The following EPM2A variants were observed in gnomAD, a reference collection of about 807,000 sequenced individuals.
EPM2A encodes laforin.
EPM2A carries 21 observed loss-of-function variants against 26.5 expected under a neutral mutation model. The observed-to-expected ratio is 0.79, with a 90% CI of 0.56 to 1.14. The LOEUF (loss-of-function observed/expected upper bound fraction) is 1.14. Among genes scored for constraint, EPM2A ranks in the 50% most tolerant of loss-of-function variants. EPM2A has a pLI of 0.00. For missense variants in EPM2A, 458 were observed against 440.8 expected (o/e 1.04, Z -0.35); for synonymous variants, 217 against 177.6 (o/e 1.22, Z -1.76).
Position 145,593,498 on chromosome 6 carries a change from A to G in EPM2A, c.340+41747T>C, listed in dbSNP as rs9390340. On this transcript the variant is annotated intron_variant, in intron 2 of 3. Coordinates refer to the EPM2A transcript ENST00000450221. ...TATACAAATTCTTCTCATATTACAT[A>G]AAACATTCACCATGACAGATCATGT... 2.0e-5 allele frequency among the ~76,000 whole-genome samples: 3 copies of G among 152,234 alleles called. No homozygotes were observed. The East Asian group carries it at 5.8e-4, about 29-fold the overall frequency.
chr6:145,444,036 G>A (rs769961687), intron 4 of EPM2A, among the ~76,000 whole-genome samples: 106 of 152,200 alleles, frequency 7.0e-4, no homozygotes, highest in Non-Finnish European at 6.5e-4. Context: ...TATCAGCAGC[G>A]TAAAAATGGA....
chr6:145,594,138 T>C (rs1781309637), intron 2 of EPM2A, among the ~76,000 whole-genome samples: 1 of 151,910 alleles, frequency 6.6e-6, no homozygotes, highest in Non-Finnish European at 1.5e-5. Context: ...AAAACAACTC[T>C]AGGCCCACAG....
At chr6:145,465,199 T>A (rs927172652) in intron 4 of EPM2A, among the ~76,000 whole-genome samples, 4 of 152,024 alleles carry the variant, frequency 2.6e-5, no homozygotes, top group African/African-American at 9.7e-5. Flanking sequence ...TCTCTAAACT[T>A]CCCTTCTCGC....
chr6:145,541,328 G>GTA lies in EPM2A; in HGVS notation c.341-38755_341-38754dup, dbSNP rs1377962473. 6.8e-5 allele frequency among the ~76,000 whole-genome samples: 9 copies of GTA among 132,104 alleles called. No homozygotes were observed. The South Asian group carries it at 1.4e-3, about 21-fold the overall frequency. The allele number at this position is 132,104 out of a possible 152,430, so 86.7% of individuals were successfully genotyped here. A position where few individuals can be genotyped will look rare whatever the true frequency, so the allele number is the denominator to read the frequency against. ...TGTGTGTGTATATACATATATATGT[G>GTA]TATATATATGTGTGTGTGTATATAT... On this transcript the variant is annotated intron_variant, in intron 2 of 3. Transcript: ENST00000450221.
At chr6:145,434,250 T>C (rs768424986) in intron 4 of EPM2A, among the ~76,000 whole-genome samples, 4 of 151,804 alleles carry the variant, frequency 2.6e-5, no homozygotes, top group Non-Finnish European at 4.4e-5. Flanking sequence ...CTTCTCTTTT[T>C]TTTATCTCTC....
At chr6:145,562,330 C>T (rs1780818495) in intron 2 of EPM2A, among the ~76,000 whole-genome samples, 2 of 150,922 alleles carry the variant, frequency 1.3e-5, no homozygotes, top group Admixed American at 1.3e-4. Flanking sequence ...TTTTATTTAC[C>T]TATAAAAGAT....
At chr6:145,622,936 TA>T (rs1483901887), downstream of EPM2A, among the ~76,000 whole-genome samples, 1 of 152,246 alleles carries the variant, frequency 6.6e-6, no homozygotes, top group Non-Finnish European at 1.5e-5. Flanking sequence ...AAACTATCTT[TA>T]CTTGCCTCAG....
intron 4 of EPM2A, among the ~76,000 whole-genome samples, chr6:145,468,109 T>A (rs1779423901): frequency 6.6e-6 from 1 of 152,076 alleles, no homozygotes; most frequent in South Asian, 2.1e-4. Context: ...CTTTATGAAA[T>A]TTTGAATAGG....
intron 4 of EPM2A, among the ~76,000 whole-genome samples, chr6:145,396,278 C>A (rs1778404312): frequency 6.6e-6 from 1 of 152,154 alleles, no homozygotes; most frequent in Non-Finnish European, 1.5e-5. Context: ...TCCTTCTTCC[C>A]GGGCTCCTTC....
chr6:145,495,712 G>A (rs945030762), intron 4 of EPM2A, among the ~76,000 whole-genome samples: 14 of 152,108 alleles, frequency 9.2e-5, no homozygotes, highest in Non-Finnish European at 1.6e-4. Context: ...CAAGTAGCTG[G>A]GATACAGGCA....
At chr6:145,515,601 A>G (rs1780114889) in intron 2 of EPM2A, among the ~76,000 whole-genome samples, 1 of 152,148 alleles carries the variant, frequency 6.6e-6, no homozygotes, top group Admixed American at 6.5e-5. Flanking sequence ...CAGGTTTTAT[A>G]AGGGCACTAA....
At chr6:145,688,412 T>G (rs992695959) in intron 1 of EPM2A, among the ~76,000 whole-genome samples, 1 of 152,188 alleles carries the variant, frequency 6.6e-6, no homozygotes, top group Non-Finnish European at 1.5e-5. Context: ...CCTCTTAAGC[T>G]TCTAGTGAAA....
At chr6:145,517,116 C>A (rs1379969527) in intron 2 of EPM2A, among the ~76,000 whole-genome samples, 2 of 152,080 alleles carry the variant, frequency 1.3e-5, no homozygotes, top group African/African-American at 4.8e-5. Context: ...AACTACTATA[C>A]AATACCACTC....
chr6:145,653,148 A>G (rs1322162853), intron 2 of EPM2A, among the ~76,000 whole-genome samples: 1 of 152,172 alleles, frequency 6.6e-6, no homozygotes, highest in Non-Finnish European at 1.5e-5. Flanking sequence ...TCCCCACTCA[A>G]ATCTCATCTT....
At chr6:145,731,904 T>C (rs995675381) in intron 1 of EPM2A, among the ~76,000 whole-genome samples, 3 of 152,116 alleles carry the variant, frequency 2.0e-5, no homozygotes, top group African/African-American at 7.2e-5. Context: ...CACATTAGAA[T>C]TATCAGCCAC....
intron 2 of EPM2A, among the ~76,000 whole-genome samples, chr6:145,668,075 T>G (rs2128595949): frequency 2.7e-5 from 4 of 146,330 alleles, no homozygotes; most frequent in South Asian, 4.6e-4. Flanking sequence ...GATGACGAGT[T>G]AGTGGGTGCA....
chr6:145,410,065 T>TAATA (rs1210683049), intron 4 of EPM2A, among the ~76,000 whole-genome samples: 2 of 152,192 alleles, frequency 1.3e-5, no homozygotes, highest in Non-Finnish European at 2.9e-5. Context: ...AGGGTATAGA[T>TAATA]GTCGGGAGCC....
At chr6:145,502,331 G>T (rs898507190) in intron 3 of EPM2A, among the ~76,000 whole-genome samples, 1 of 152,214 alleles carries the variant, frequency 6.6e-6, no homozygotes, top group African/African-American at 2.4e-5. Flanking sequence ...CTGCCACACA[G>T]CTCTGGCCAA....
intron 2 of EPM2A, among the ~76,000 whole-genome samples, chr6:145,534,819 A>G (rs191854251): frequency 6.6e-6 from 1 of 152,210 alleles, no homozygotes; most frequent in Non-Finnish European, 1.5e-5. Flanking sequence ...ATATATCTGC[A>G]TCTGACTCTG....
Sources: allele counts gnomAD v4.1 joint callset (sites outside exome capture counted in the v4.1 genomes callset), GRCh38; gene constraint gnomAD v4.1.1; transcripts MANE v1.5; gene names NCBI Gene and HGNC (gene_info 2026-07-23, HGNC 2026-07-21).